KIAA1958: variants seen among roughly 807,000 people sequenced by gnomAD.
KIAA1958 encodes KIAA1958, also known as uncharacterized protein KIAA1958.
KIAA1958 carries 14 observed loss-of-function variants against 47.2 expected under a neutral mutation model. The observed-to-expected ratio is 0.30, with a 90% CI of 0.20 to 0.46. KIAA1958 has a LOEUF of 0.46. KIAA1958 is among the 20% of genes least tolerant of loss of function. The pLI, the probability that KIAA1958 is intolerant of heterozygous loss-of-function variation, is 1.00. For missense variants in KIAA1958, 803 were observed against 909.2 expected, an observed-to-expected ratio of 0.88 and a Z score of 1.50; for synonymous variants, 354 against 353.3, an observed-to-expected ratio of 1.00 and a Z score of -0.02.
chr9:112,607,571 T>A lies in KIAA1958; in HGVS notation c.1171+32320T>A, dbSNP rs75970165. ...AGAAACACCTATACACTTGCCAACT[T>A]TGAGGGAAGTGGTCTGCCGGTGAGA... On this transcript the variant is annotated intron_variant, in intron 2 of 3. Coordinates refer to ENST00000337530, the MANE Select transcript of KIAA1958 (RefSeq NM_133465.4). Among the ~76,000 whole-genome samples the A allele has an allele frequency of 4.1e-4, 63 of 151,912 alleles. 1 individual carries two copies. The East Asian group carries it at 0.012, about 28-fold the overall frequency.
intron 1 of KIAA1958, among the ~76,000 whole-genome samples, chr9:112,495,726 A>G (rs1834042054): frequency 6.6e-6 from 1 of 152,212 alleles, no homozygotes; most frequent in Non-Finnish European, 1.5e-5. Flanking sequence ...CTCATAGCAC[A>G]TTTGTCATTG....
chr9:112,591,305 C>T (rs981925794), intron 2 of KIAA1958, among the ~76,000 whole-genome samples: 6 of 151,924 alleles, frequency 3.9e-5, no homozygotes, highest in Non-Finnish European at 7.4e-5. Context: ...AGGATGGTCT[C>T]GATCTCCTGA....
intron 1 of KIAA1958, among the ~76,000 whole-genome samples, chr9:112,525,995 TCTTC>T (rs1834641322): frequency 4.0e-3 from 6 of 1,512 alleles, no homozygotes; most frequent in Non-Finnish European, 1.1e-3. Flanking sequence ...TTCTTCTTCT[TCTTC>T]TTTTTTTTTT....
chr9:112,551,297 A>G (rs1301051725), intron 1 of KIAA1958, among the ~76,000 whole-genome samples: 2 of 152,198 alleles, frequency 1.3e-5, no homozygotes, highest in Non-Finnish European at 2.9e-5. Context: ...GCTCCAGGTA[A>G]CCACTGTTGT....
Position 112,668,042 on chromosome 9 carries a change from T to G in KIAA1958, c.*7973T>G, listed in dbSNP as rs924350837. 4.1e-4 allele frequency: 26 copies of G among 63,432 alleles called. No individual in the cohort carries two copies. The highest frequency in any genetic ancestry group is 2.4e-3 in the African/African-American group (23 of 9,568). 3.9% of individuals were successfully genotyped at this position (63,432 alleles called of 1,614,324 possible). A position where few individuals can be genotyped will look rare whatever the true frequency, so the allele number is the denominator to read the frequency against. ...TAATAAATGCCATACCACAGCATCATGTTTCTTCATTTTTATTACCGAAAT... is the reference window on the plus strand; with the variant it reads ...TAATAAATGCCATACCACAGCATCAGGTTTCTTCATTTTTATTACCGAAAT... On this transcript the variant is annotated 3_prime_UTR_variant, in exon 4 of 4. Coordinates refer to ENST00000337530, the MANE Select transcript of KIAA1958 (RefSeq NM_133465.4).
intron 1 of KIAA1958, among the ~76,000 whole-genome samples, chr9:112,567,129 A>G (rs1463890281): frequency 6.6e-6 from 1 of 152,208 alleles, no homozygotes; most frequent in Non-Finnish European, 1.5e-5. Context: ...TAAGGTGTCA[A>G]AAACCAGGGA....
intron 2 of KIAA1958, among the ~76,000 whole-genome samples, chr9:112,613,879 T>C (rs2131212707): frequency 6.6e-6 from 1 of 152,302 alleles, no homozygotes; most frequent in African/African-American, 2.4e-5. Flanking sequence ...GAATGCATGA[T>C]TTCCTGTGAC....
Position 112,656,758 on chromosome 9 carries a change from CTT to C in KIAA1958, c.1345-2503_1345-2502del, listed in dbSNP as rs377708753. On this transcript the variant is annotated intron_variant, in intron 3 of 3. Transcript: ENST00000337530. ...ACATCTTTGACAATCATTTCACACT[CTT>C]TGGGGCTATTGAGATCCTTTACCTT... Among the ~76,000 whole-genome samples the C allele has an allele frequency of 1.1e-3, 165 of 152,256 alleles. 1 individual carries two copies. The East Asian group carries it at 0.015, about 14-fold the overall frequency.
chr9:112,628,242 A>G (rs1836652137), intron 2 of KIAA1958, among the ~76,000 whole-genome samples: 1 of 152,202 alleles, frequency 6.6e-6, no homozygotes, highest in Non-Finnish European at 1.5e-5. Context: ...TGAACTTTAT[A>G]GAAACTTGTT....
At chr9:112,595,448 G>A (rs1265562127) in intron 2 of KIAA1958, among the ~76,000 whole-genome samples, 1 of 152,108 alleles carries the variant, frequency 6.6e-6, no homozygotes, top group East Asian at 1.9e-4. Context: ...ATCACCTGAG[G>A]TCAGGAGTTC....
At chr9:112,510,393 C>A (rs1834305055) in intron 1 of KIAA1958, among the ~76,000 whole-genome samples, 1 of 152,170 alleles carries the variant, frequency 6.6e-6, no homozygotes, top group Non-Finnish European at 1.5e-5. Flanking sequence ...CCCAATTCTT[C>A]CAGATATTTA....
At chr9:112,533,346 G>A (rs889761795) in intron 1 of KIAA1958, among the ~76,000 whole-genome samples, 1 of 151,856 alleles carries the variant, frequency 6.6e-6, no homozygotes, top group Admixed American at 6.6e-5. Context: ...GAAGGCCGAG[G>A]CAGGTGGATC....
At chr9:112,575,475 G>T (rs1835629447) in intron 2 of KIAA1958, among the ~76,000 whole-genome samples, 1 of 151,876 alleles carries the variant, frequency 6.6e-6, no homozygotes, top group Non-Finnish European at 1.5e-5. Context: ...GAGGACAGCT[G>T]TAAGATTGTT....
rs1837353888 is a variant in KIAA1958, at chr9:112,666,599, G to A, written c.*6530G>A. On this transcript the variant is annotated 3_prime_UTR_variant, in exon 4 of 4. Transcript: ENST00000337530. The stretch of plus-strand genomic sequence containing the variant: ...CCTTCCCAGAAAAACCCAGAAGAAG[G>A]CCAAATCTCAATTCTAGAATCTAGA... The A allele has an allele frequency of 6.6e-6, 1 of 152,114 alleles. No homozygotes were observed. The highest frequency in any genetic ancestry group is 2.4e-5 in the African/African-American group (1 of 41,422). 9.4% of individuals were successfully genotyped at this position (152,114 alleles called of 1,614,324 possible).
At chr9:112,583,264 A>G (rs528145246) in intron 2 of KIAA1958, among the ~76,000 whole-genome samples, 1 of 152,360 alleles carries the variant, frequency 6.6e-6, no homozygotes, top group Admixed American at 6.5e-5. Flanking sequence ...GGGGGAGCAC[A>G]GAGATGCAAA....
At chr9:112,641,156 C>T (rs768915455) in intron 2 of KIAA1958, among the ~76,000 whole-genome samples, 16 of 151,872 alleles carry the variant, frequency 1.1e-4, no homozygotes, top group African/African-American at 2.2e-4. Context: ...TTCATTTTGC[C>T]GGCAAATATC....
rs114418942 is a variant in KIAA1958, at chr9:112,499,438, A to G, written c.-25+12320A>G. On this transcript the variant is annotated intron_variant, in intron 1 of 3. Coordinates refer to ENST00000337530, the MANE Select transcript of KIAA1958 (RefSeq NM_133465.4). ...GCATTTTAAGGAATGTTCTGCTTTAAAAGTTGTGGGTCATATGATAATGTA... is the reference window on the plus strand; with the variant it reads ...GCATTTTAAGGAATGTTCTGCTTTAGAAGTTGTGGGTCATATGATAATGTA... Among the ~76,000 whole-genome samples the G allele has an allele frequency of 5.8e-3, 884 of 152,270 alleles. 13 individuals carry two copies. The highest frequency in any genetic ancestry group is 0.02 in the African/African-American group (841 of 41,546).
rs951568091 is a variant in KIAA1958, at chr9:112,660,959, G to C, written c.*890G>C. 1 of 152,042 alleles carries C rather than the reference G, an allele frequency of 6.6e-6. No individual in the cohort carries two copies. Among genetic ancestry groups the C allele is most frequent in the South Asian group, 2.1e-4 (1 of 4,818 alleles). 9.4% of individuals were successfully genotyped at this position (152,042 alleles called of 1,614,324 possible). A position where few individuals can be genotyped will look rare whatever the true frequency, so the allele number is the denominator to read the frequency against. On this transcript the variant is annotated 3_prime_UTR_variant, in exon 4 of 4. Transcript: ENST00000337530. ...TTTTTGAGGTTTCTGTCTGTTCTTC[G>C]TGTCATCCCATTATTCGGTCAGCAT... is the stretch of plus-strand genomic sequence containing the variant.
At chr9:112,655,183 C>T (rs72766128) in intron 3 of KIAA1958, among the ~76,000 whole-genome samples, 3,545 of 152,158 alleles carry the variant, frequency 0.023, 50 homozygotes, top group South Asian at 0.07. Flanking sequence ...ATGGATGTCA[C>T]ATTTTTTCAA....
Sources: allele counts gnomAD v4.1 joint callset (sites outside exome capture counted in the v4.1 genomes callset), GRCh38; gene constraint gnomAD v4.1.1; transcripts MANE v1.5; gene names NCBI Gene and HGNC (gene_info 2026-07-23, HGNC 2026-07-21).